Variants in AOPEP observed in about 807,000 individuals in gnomAD.
AOPEP encodes aminopeptidase O.
Under a neutral mutation model 98.1 loss-of-function variants are expected in AOPEP, and 77 were observed. The ratio of observed to expected loss-of-function variants is 0.78; its 90% CI spans 0.65 to 0.95. The LOEUF (loss-of-function observed/expected upper bound fraction) is 0.95. Among genes scored for constraint, AOPEP ranks in the 40% least tolerant of loss-of-function variants. The pLI is 0.00. For missense variants in AOPEP, 1,024 were observed against 1,024.7 expected, an observed-to-expected ratio of 1.00 and a Z score of 0.01; for synonymous variants, 346 against 365.3, an observed-to-expected ratio of 0.95 and a Z score of 0.60.
At chr9:94,813,436 C>G (rs1851057953) in intron 5 of AOPEP, among the ~76,000 whole-genome samples, 1 of 152,198 alleles carries the variant, frequency 6.6e-6, no homozygotes, top group African/African-American at 2.4e-5. Context: ...TATGTCTCCT[C>G]TCACAAACAA....
chr9:94,878,915 C>T (rs2047271718), intron 5 of AOPEP, among the ~76,000 whole-genome samples: 1 of 152,104 alleles, frequency 6.6e-6, no homozygotes, highest in Non-Finnish European at 1.5e-5. Flanking sequence ...TGTGGGAGAC[C>T]GGAGTTTTAT....
chr9:95,131,589 C>G, the AOPEP span, among the ~76,000 whole-genome samples: 1 of 152,174 alleles, frequency 6.6e-6, no homozygotes, highest in Non-Finnish European at 1.5e-5. Flanking sequence ...AACCTCCCAG[C>G]TTTTAGCCAT....
At chr9:95,040,921 C>CTT (rs67145502) in intron 13 of AOPEP, among the ~76,000 whole-genome samples, 1 of 694 alleles carries the variant, frequency 1.4e-3, no homozygotes, top group South Asian at 0.05. Context: ...AAACAGTCTC[C>CTT]CTTCCTCAAA....
chr9:94,733,541 T>C (rs992945523), intron 1 of AOPEP, among the ~76,000 whole-genome samples: 3 of 152,238 alleles, frequency 2.0e-5, no homozygotes, highest in African/African-American at 7.2e-5. Context: ...TCCTTCTGTA[T>C]TGGTGTAGTT....
intron 7 of AOPEP, chr9:94,931,813 T>G: frequency 6.5e-7 from 1 of 1,544,806 alleles, no homozygotes; most frequent in Non-Finnish European, 8.7e-7. Context: ...GCTTTCTTCT[T>G]AAAGCACTTT....
chr9:95,003,007 C>T (rs145610298), intron 11 of AOPEP, among the ~76,000 whole-genome samples: 12 of 152,200 alleles, frequency 7.9e-5, no homozygotes, highest in African/African-American at 2.9e-4. Context: ...CAGCTCATGC[C>T]GGAAACCGTT....
chr9:95,139,603 G>T, the AOPEP span, among the ~76,000 whole-genome samples: 3 of 151,970 alleles, frequency 2.0e-5, no homozygotes, highest in Non-Finnish European at 4.4e-5. Flanking sequence ...CCTGCGAGGG[G>T]TATTTAAGAC....
chr9:94,730,173 A>G (rs956180209), intron 1 of AOPEP, among the ~76,000 whole-genome samples: 5 of 151,624 alleles, frequency 3.3e-5, no homozygotes, highest in African/African-American at 4.9e-5. Context: ...AGTCCCAGCT[A>G]CTCGTGAGGC....
the AOPEP span, chr9:95,111,055 C>A: frequency 6.8e-7 from 1 of 1,475,484 alleles, no homozygotes; most frequent in South Asian, 1.4e-5. Context: ...CAAGCCCTGG[C>A]CGGGCTGCTG....
intron 13 of AOPEP, among the ~76,000 whole-genome samples, chr9:95,012,790 T>G (rs2062635878): frequency 6.6e-6 from 1 of 152,128 alleles, no homozygotes; most frequent in Non-Finnish European, 1.5e-5. Context: ...CCTGGCCACA[T>G]GCAGCCTCAA....
At chr9:95,103,734 G>A in the AOPEP span, among the ~76,000 whole-genome samples, 2 of 152,230 alleles carry the variant, frequency 1.3e-5, no homozygotes, top group African/African-American at 4.8e-5. Flanking sequence ...GACAGCCGGG[G>A]AGTGGGCCTC....
chr9:94,957,752 G>A (rs1332575486), intron 9 of AOPEP, among the ~76,000 whole-genome samples: 2 of 151,520 alleles, frequency 1.3e-5, no homozygotes, highest in African/African-American at 4.9e-5. Flanking sequence ...TCCGCTTTCT[G>A]TCTCTATGGA....
chr9:94,750,779 C>T (rs1406478087), intron 1 of AOPEP, among the ~76,000 whole-genome samples: 1 of 127,642 alleles, frequency 7.8e-6, no homozygotes, highest in African/African-American at 2.9e-5. Flanking sequence ...TTTTGTGAGA[C>T]GGAGTCTCAC....
At chr9:94,984,724 G>A (rs112595707) in intron 11 of AOPEP, among the ~76,000 whole-genome samples, 6,291 of 152,234 alleles carry the variant, frequency 0.041, 441 homozygotes, top group African/African-American at 0.14. Context: ...TGTGGCTTGC[G>A]TATATTCCTG....
chr9:94,992,343 TC>T (rs2060943434), intron 11 of AOPEP, among the ~76,000 whole-genome samples: 1 of 152,226 alleles, frequency 6.6e-6, no homozygotes, highest in South Asian at 2.1e-4. Flanking sequence ...AGGTCAGTCC[TC>T]CAGCTTGGGC....
chr9:94,805,742 G>A (rs572868551), intron 5 of AOPEP, among the ~76,000 whole-genome samples: 14 of 152,072 alleles, frequency 9.2e-5, no homozygotes, highest in South Asian at 4.2e-4. Flanking sequence ...GCAAATAAAC[G>A]GTATGCACGT....
intron 9 of AOPEP, among the ~76,000 whole-genome samples, chr9:94,962,726 T>C (rs1364126073): frequency 1.3e-5 from 2 of 149,632 alleles, no homozygotes; most frequent in Non-Finnish European, 3.0e-5. Flanking sequence ...TTCAATATTA[T>C]CATCTTTTTT....
intron 2 of AOPEP, among the ~76,000 whole-genome samples, chr9:94,768,983 C>T (rs531340786): frequency 2.0e-4 from 30 of 152,348 alleles, no homozygotes; most frequent in African/African-American, 7.0e-4. Flanking sequence ...TCTATGTTTA[C>T]ACATTCATTA....
intron 1 of AOPEP, among the ~76,000 whole-genome samples, chr9:94,739,837 A>G (rs566379237): frequency 6.6e-6 from 1 of 152,108 alleles, no homozygotes; most frequent in South Asian, 2.1e-4. Flanking sequence ...TTCTACCACT[A>G]GTGGAGACTG....
Sources: allele counts gnomAD v4.1 joint callset (sites outside exome capture counted in the v4.1 genomes callset), GRCh38; gene constraint gnomAD v4.1.1; transcripts MANE v1.5; gene names NCBI Gene and HGNC (gene_info 2026-07-23, HGNC 2026-07-21).